CEP112: variants seen among roughly 807,000 people sequenced by gnomAD.
CEP112 encodes centrosomal protein 112.
Under a neutral mutation model 153.0 loss-of-function variants are expected in CEP112, and 127 were observed. That is an observed-to-expected ratio of 0.83 (90% confidence interval 0.72 to 0.96). The LOEUF is 0.96. Among genes scored for constraint, CEP112 ranks in the 40% least tolerant of loss-of-function variants. The pLI is 0.00. For missense variants in CEP112, 1,089 were observed against 1,101.2 expected, an observed-to-expected ratio of 0.99 and a Z score of 0.16; for synonymous variants, 358 against 374.4, an observed-to-expected ratio of 0.96 and a Z score of 0.51.
At chr17:65,995,061 T>C (rs1047945254) in intron 17 of CEP112, among the ~76,000 whole-genome samples, 1 of 151,658 alleles carries the variant, frequency 6.6e-6, no homozygotes, top group African/African-American at 2.4e-5. Context: ...AAGAGCTCCC[T>C]TGCCTTTGGG....
intron 6 of CEP112, among the ~76,000 whole-genome samples, chr17:66,109,928 A>G (rs961429184): frequency 6.6e-6 from 1 of 152,224 alleles, no homozygotes; most frequent in Admixed American, 6.5e-5. Context: ...TGGGAGGCTG[A>G]GGCGAGCAGA....
rs60646634 is a variant in CEP112, at chr17:65,751,952, TTCTATCTATCTATCTATCTA to T, written c.2395-1248_2395-1229del. ...TGCGTCATGCCTTGCAATACAGTCC[TTCTATCTATCTATCTATCTA>T]TCTATCTATCTATCTATCTATCTAT... On this transcript the variant is annotated intron_variant, in intron 21 of 26. Coordinates refer to ENST00000535342, the MANE Select transcript of CEP112 (RefSeq NM_001199165.4). Among the ~76,000 whole-genome samples the T allele has an allele frequency of 7.0e-3, 1,022 of 145,926 alleles. 11 individuals carry two copies. The highest frequency in any genetic ancestry group is 0.024 in the African/African-American group (930 of 39,090).
chr17:66,059,566 A>C (rs2066841141), intron 11 of CEP112, among the ~76,000 whole-genome samples: 1 of 152,262 alleles, frequency 6.6e-6, no homozygotes, highest in South Asian at 2.1e-4. Context: ...ATCACACGTC[A>C]TCAGAGAAGT....
chr17:65,896,656 T>C (rs967723941), intron 20 of CEP112, among the ~76,000 whole-genome samples: 2 of 152,060 alleles, frequency 1.3e-5, no homozygotes, highest in African/African-American at 2.4e-5. Flanking sequence ...CAAAATATGC[T>C]GAGAATTTTT....
chr17:65,698,096 C>A, intron 23 of CEP112, among the ~76,000 whole-genome samples: 1 of 151,294 alleles, frequency 6.6e-6, no homozygotes, highest in South Asian at 2.1e-4. Flanking sequence ...CAAAACAAAA[C>A]AAAAAACCCT....
chr17:65,963,905 A>G (rs1286361877), intron 17 of CEP112, among the ~76,000 whole-genome samples: 1 of 152,228 alleles, frequency 6.6e-6, no homozygotes, highest in Non-Finnish European at 1.5e-5. Context: ...CATGATAAAC[A>G]AAACAGTTTT....
intron 21 of CEP112, among the ~76,000 whole-genome samples, chr17:65,839,496 C>T (rs9894417): frequency 0.97 from 147,051 of 151,116 alleles, 71,601 homozygotes; most frequent in East Asian, 1. Context: ...CTCAATAAAC[C>T]GTGTATAGTA....
intron 21 of CEP112, among the ~76,000 whole-genome samples, chr17:65,840,524 A>C (rs2057477968): frequency 6.6e-6 from 1 of 152,124 alleles, no homozygotes; most frequent in Non-Finnish European, 1.5e-5. Context: ...TGAAGACTTA[A>C]ATGTAAGACC....
chr17:65,666,238 C>T (rs1398277654), intron 24 of CEP112, among the ~76,000 whole-genome samples: 1 of 152,242 alleles, frequency 6.6e-6, no homozygotes, highest in Non-Finnish European at 1.5e-5. Context: ...ATAAAACACA[C>T]ACATGCTGTT....
chr17:66,139,613 A>G (rs2070597572), intron 4 of CEP112, among the ~76,000 whole-genome samples: 1 of 150,502 alleles, frequency 6.6e-6, no homozygotes, highest in Non-Finnish European at 1.5e-5. Flanking sequence ...ATCTCAAGAG[A>G]AAAAAAAAAG....
intron 17 of CEP112, among the ~76,000 whole-genome samples, chr17:65,989,522 AT>A (rs2145229939): frequency 6.6e-6 from 1 of 152,060 alleles, no homozygotes; most frequent in East Asian, 1.9e-4. Context: ...CAGCAAAACT[AT>A]CCTTCAAATA....
chr17:65,876,871 T>C (rs1411739277), intron 20 of CEP112, among the ~76,000 whole-genome samples: 1 of 152,164 alleles, frequency 6.6e-6, no homozygotes, highest in South Asian at 2.1e-4. Flanking sequence ...CCTGTTCTTC[T>C]TTTATGAATA....
At chr17:65,803,722 G>A (rs2055420983) in intron 21 of CEP112, among the ~76,000 whole-genome samples, 1 of 152,118 alleles carries the variant, frequency 6.6e-6, no homozygotes, top group Non-Finnish European at 1.5e-5. Context: ...CACGTTAGAA[G>A]TTTCTAGTAC....
chr17:65,822,271 T>A (rs1412572573), intron 21 of CEP112, among the ~76,000 whole-genome samples: 1 of 152,034 alleles, frequency 6.6e-6, no homozygotes, highest in East Asian at 1.9e-4. Flanking sequence ...ATCAGATGTA[T>A]GGCGTAGGAC....
At chr17:65,658,591 G>A (rs2046182395) in intron 24 of CEP112, among the ~76,000 whole-genome samples, 1 of 152,092 alleles carries the variant, frequency 6.6e-6, no homozygotes, top group Non-Finnish European at 1.5e-5. Flanking sequence ...CTTAGTTTGA[G>A]GAGCAGAGGA....
rs111428639 is a variant in CEP112 at position 66,150,082 on chromosome 17, A to T, written c.471-17319T>A. Among the ~76,000 whole-genome samples, 638 of 143,176 alleles carry T rather than the reference A, an allele frequency of 4.5e-3. 7 individuals carry two copies. The highest frequency in any genetic ancestry group is 0.015 in the African/African-American group (597 of 38,864). 93.9% of individuals were successfully genotyped at this position (143,176 alleles called of 152,430 possible). A position where few individuals can be genotyped will look rare whatever the true frequency, so the allele number is the denominator to read the frequency against. On this transcript the variant is annotated intron_variant, in intron 4 of 26. Coordinates refer to ENST00000535342, the MANE Select transcript of CEP112 (RefSeq NM_001199165.4). The stretch of plus-strand genomic sequence containing the variant: ...CTAATTTTTTTTTTTTTTTTTTTTA[A>T]GTAGAGACAAGGTTTCACCCGGTTA...
chr17:65,880,454 G>T (rs148941763), intron 20 of CEP112, among the ~76,000 whole-genome samples: 3 of 152,264 alleles, frequency 2.0e-5, no homozygotes, highest in African/African-American at 7.2e-5. Flanking sequence ...AATGGGGGGG[G>T]CTATCTTATG....
intron 21 of CEP112, among the ~76,000 whole-genome samples, chr17:65,838,773 G>A (rs2057411944): frequency 6.6e-6 from 1 of 151,762 alleles, no homozygotes; most frequent in African/African-American, 2.4e-5. Flanking sequence ...AGAAAAAAAA[G>A]AGAAGAGACC....
chr17:66,083,658 G>A (rs552250819), intron 8 of CEP112, among the ~76,000 whole-genome samples: 8 of 152,226 alleles, frequency 5.3e-5, no homozygotes, highest in South Asian at 2.1e-4. Flanking sequence ...AAACCAGCCC[G>A]GGCAACACGG....
Sources: gnomAD v4.1 joint callset for allele counts (sites outside exome capture counted in the v4.1 genomes callset) on GRCh38, gnomAD v4.1.1 for gene constraint, MANE v1.5 for transcripts, NCBI Gene and HGNC (gene_info 2026-07-23, HGNC 2026-07-21) for gene names.